Variants in SPATS2L observed in about 807,000 individuals in gnomAD.
The protein encoded by SPATS2L is SPATS2-like protein.
Under a neutral mutation model 59.6 loss-of-function variants are expected in SPATS2L, and 30 were observed. The observed-to-expected ratio is 0.50, with a 90% CI of 0.38 to 0.68. The LOEUF (loss-of-function observed/expected upper bound fraction) is 0.68, where lower values mean the gene tolerates loss of function less well. SPATS2L is among the 30% of genes least tolerant of loss of function. The pLI is 0.00. For missense variants in SPATS2L, 615 were observed against 700.0 expected, an observed-to-expected ratio of 0.88 and a Z score of 1.37; for synonymous variants, 252 against 263.5, an observed-to-expected ratio of 0.96 and a Z score of 0.42.
chr2:200,396,025 A>T (rs1299615170), intron 3 of SPATS2L, among the ~76,000 whole-genome samples: 5 of 42,010 alleles, frequency 1.2e-4, no homozygotes, highest in South Asian at 1.1e-3. Context: ...AAAAAAAAAA[A>T]AAAAAAAAAT....
intron 3 of SPATS2L, among the ~76,000 whole-genome samples, chr2:200,411,066 T>G (rs2082861156): frequency 6.6e-6 from 1 of 150,392 alleles, no homozygotes; most frequent in African/African-American, 2.4e-5. Context: ...TCAGTAAAAC[T>G]CAAATATTTA....
chr2:200,327,867 C>T (rs977232436), intron 1 of SPATS2L, among the ~76,000 whole-genome samples: 1 of 151,962 alleles, frequency 6.6e-6, no homozygotes, highest in African/African-American at 2.4e-5. Flanking sequence ...CGGGCACACA[C>T]ACACACACAC....
In SPATS2L at chr2:200,328,343, T is replaced by A. The variant is rs189228944; in HGVS notation, c.-72-1088T>A. On this transcript the variant is annotated intron_variant, in intron 1 of 12. Coordinates refer to ENST00000409140, the MANE Select transcript of SPATS2L (RefSeq NM_001100423.2). Reference sequence around the variant, plus strand: ...TTATTCATGGTGCCTAACATTGTGTTCAGTCAATGTTTGTTGGCTAAATGA... The same window carrying A: ...TTATTCATGGTGCCTAACATTGTGTACAGTCAATGTTTGTTGGCTAAATGA... Among the ~76,000 whole-genome samples the A allele has an allele frequency of 5.1e-3, 773 of 152,326 alleles. 3 individuals carry two copies. Among genetic ancestry groups the A allele is most frequent in the Non-Finnish European group, 7.5e-3 (511 of 68,028 alleles).
chr2:200,397,021 TA>T (rs2082376391), intron 3 of SPATS2L, among the ~76,000 whole-genome samples: 2 of 152,212 alleles, frequency 1.3e-5, no homozygotes, highest in Admixed American at 1.3e-4. Flanking sequence ...ACTGAATGAA[TA>T]AATGGAAATG....
At chr2:200,366,868 GTAAAT>G (rs1268580374) in intron 2 of SPATS2L, among the ~76,000 whole-genome samples, 1 of 152,162 alleles carries the variant, frequency 6.6e-6, no homozygotes, top group Non-Finnish European at 1.5e-5. Flanking sequence ...CTTCTTGCTA[GTAAAT>G]TAAACACATT....
chr2:200,306,971 C>T, intron 1 of SPATS2L, 49 bp downstream of exon 1: 2 of 983,010 alleles, frequency 2.0e-6, no homozygotes, highest in Non-Finnish European at 2.4e-6. Flanking sequence ...ATGCAGGGCG[C>T]GGGCGGACGC....
chr2:200,362,561 A>C (rs181683002), intron 2 of SPATS2L, among the ~76,000 whole-genome samples: 3 of 152,324 alleles, frequency 2.0e-5, no homozygotes, highest in Non-Finnish European at 2.9e-5. Context: ...TTTGCATATT[A>C]CTTCCATTCA....
intron 8 of SPATS2L, among the ~76,000 whole-genome samples, chr2:200,444,604 T>A (rs533727698): frequency 3.7e-4 from 56 of 152,270 alleles, no homozygotes; most frequent in Non-Finnish European, 2.8e-4. Context: ...AAAGCATGTA[T>A]TCTGTACCAG....
chr2:200,474,602 C>T (rs1039134840), intron 12 of SPATS2L, among the ~76,000 whole-genome samples: 1 of 152,152 alleles, frequency 6.6e-6, no homozygotes, highest in Non-Finnish European at 1.5e-5. Context: ...CATGCCTGGC[C>T]TCTCTGTTCA....
chr2:200,443,518 T>G (rs1206781543), intron 8 of SPATS2L, among the ~76,000 whole-genome samples: 3 of 152,154 alleles, frequency 2.0e-5, no homozygotes, highest in African/African-American at 7.2e-5. Flanking sequence ...CTGAGAGAGA[T>G]GTCACCGCAT....
chr2:200,447,940 A>G (rs6722649), intron 8 of SPATS2L, among the ~76,000 whole-genome samples: 117,925 of 152,176 alleles, frequency 0.77, 46,286 homozygotes, highest in South Asian at 0.89. Context: ...AAAAATCAAG[A>G]GTTTGGCCAG....
intron 6 of SPATS2L, among the ~76,000 whole-genome samples, chr2:200,422,980 A>T (rs1170943041): frequency 2.0e-5 from 3 of 152,072 alleles, no homozygotes; most frequent in Non-Finnish European, 4.4e-5. Context: ...GATGACACTC[A>T]CTCTGATCAC....
In SPATS2L at chr2:200,439,173, C is replaced by CTATA. The variant is rs1419546507; in HGVS notation, c.498_501dup (p.His168TyrfsTer16). The CTATA allele has an allele frequency of 6.2e-7, 1 of 1,613,736 alleles. No homozygotes were observed. On this transcript the variant is annotated frameshift_variant, in exon 7 of 13. Coordinates refer to ENST00000409140, the MANE Select transcript of SPATS2L (RefSeq NM_001100423.2). LOFTEE classifies it high-confidence loss of function. ...CTATCCTTAGATGGGAACCCCAAACCTATACATGGAACAACAGAGAGGTCA... is the reference window on the plus strand; with the variant it reads ...CTATCCTTAGATGGGAACCCCAAACCTATATATACATGGAACAACAGAGAGGTCA...
chr2:200,325,890 A>G (rs1304554035), intron 1 of SPATS2L, among the ~76,000 whole-genome samples: 2 of 151,282 alleles, frequency 1.3e-5, no homozygotes, highest in African/African-American at 4.8e-5. Context: ...GAAAAGCCTC[A>G]CTTATCTTCC....
chr2:200,393,106 T>A, intron 3 of SPATS2L: 1 of 423,694 alleles, frequency 2.4e-6, no homozygotes, highest in East Asian at 7.1e-5. Context: ...AATTTGAGAA[T>A]CTGGGTTGGG....
chr2:200,336,417 GAC>G (rs941691641), intron 2 of SPATS2L, among the ~76,000 whole-genome samples: 4 of 152,050 alleles, frequency 2.6e-5, no homozygotes, highest in Admixed American at 6.6e-5. Context: ...TAAAAAAAAA[GAC>G]ACATACAAAA....
rs866398158 is a variant in SPATS2L, at chr2:200,383,888, C to T, written c.-22-5335C>T. The T allele has an allele frequency of 2.5e-5, 25 of 1,000,990 alleles. No homozygotes were observed. The Middle Eastern group carries it at 1.4e-3, about 56-fold the overall frequency. The allele number at this position is 1,000,990 out of a possible 1,614,324, so 62.0% of individuals were successfully genotyped here. On this transcript the variant is annotated intron_variant, in intron 2 of 12. Coordinates refer to ENST00000409140, the MANE Select transcript of SPATS2L (RefSeq NM_001100423.2). ...CCAGTTCAAGCAAAGTGATGTAATA[C>T]CCAAGAACAGGAAAGTAAACCTAAG...
At chr2:200,327,450 G>C (rs796428286) in intron 1 of SPATS2L, among the ~76,000 whole-genome samples, 1 of 151,718 alleles carries the variant, frequency 6.6e-6, no homozygotes, top group African/African-American at 2.4e-5. Flanking sequence ...TAAATATCTT[G>C]TGCTGACTTC....
Position 200,475,105 on chromosome 2 carries a change from G to T in SPATS2L, c.1281+2053G>T, listed in dbSNP as rs767578958. On this transcript the variant is annotated intron_variant, in intron 12 of 12. Transcript: ENST00000409140. ...TTCACACCCATCCGCTGGAAGGGTG[G>T]GAGTGGAGGCGATGCTTAGGTGTGC... Among the ~76,000 whole-genome samples, 3 of 152,198 alleles carry T rather than the reference G, an allele frequency of 2.0e-5. No homozygotes were observed. The South Asian group carries it at 6.2e-4, about 32-fold the overall frequency.
Sources: gnomAD v4.1 joint callset for allele counts (sites outside exome capture counted in the v4.1 genomes callset) on GRCh38, gnomAD v4.1.1 for gene constraint, MANE v1.5 for transcripts, NCBI Gene and HGNC (gene_info 2026-07-23, HGNC 2026-07-21) for gene names.